AATF: variants seen among roughly 807,000 people sequenced by gnomAD.
AATF encodes protein AATF.
In AATF, 48 loss-of-function variants were observed where a neutral mutation model predicts 63.7. That is an observed-to-expected ratio of 0.75 (90% CI 0.60 to 0.96). The LOEUF (loss-of-function observed/expected upper bound fraction) is 0.96, where lower values mean the gene tolerates loss of function less well. AATF is among the 40% of genes least tolerant of loss of function. The pLI is 0.00. For synonymous variants in AATF, 258 were observed against 247.7 expected (o/e 1.04, Z -0.39); for missense variants, 639 against 685.7 (o/e 0.93, Z 0.76).
At chr17:36,960,884 T>C (rs1057447362) in intron 4 of AATF, among the ~76,000 whole-genome samples, 1 of 152,192 alleles carries the variant, frequency 6.6e-6, no homozygotes, top group Non-Finnish European at 1.5e-5. Flanking sequence ...ATAGCTTCAG[T>C]GTTCTAATTA....
chr17:36,949,134 G>C lies in AATF; in HGVS notation c.9G>C (p.Gly3=), dbSNP rs570427141. 1.1e-4 allele frequency: 174 copies of C among 1,579,562 alleles called. 2 individuals are homozygous for C. In the East Asian group the frequency reaches 3.5e-3, roughly 32 times the overall value. The change falls in exon 1 of 12, where the codon GGG becomes GGC. Residue 3 remains glycine, a synonymous_variant. Transcript: ENST00000619387. ...ACCGGGAGCTGGTGACGATGGCGGG[G>C]CCGCAGCCCCTGGCGCTGCAACTGG... MA[G]PQPLALQLEQ...
At chr17:37,003,915 G>A (rs146367632) in intron 8 of AATF, among the ~76,000 whole-genome samples, 1 of 146,798 alleles carries the variant, frequency 6.8e-6, no homozygotes, top group African/African-American at 2.5e-5. Flanking sequence ...ACAGCCTTGG[G>A]CAACATGGCA....
At chr17:37,014,151 C>T (rs866280571) in intron 8 of AATF, among the ~76,000 whole-genome samples, 4 of 152,056 alleles carry the variant, frequency 2.6e-5, no homozygotes, top group South Asian at 4.1e-4. Flanking sequence ...ATGAAAAATG[C>T]ATTTATGTAA....
At chr17:36,958,324 G>C (rs1411439054) in intron 4 of AATF, among the ~76,000 whole-genome samples, 1 of 151,856 alleles carries the variant, frequency 6.6e-6, no homozygotes, top group Non-Finnish European at 1.5e-5. Context: ...CACCACACCC[G>C]GCTAATTTTT....
chr17:36,961,031 G>C (rs182512634), intron 4 of AATF, among the ~76,000 whole-genome samples: 2 of 151,846 alleles, frequency 1.3e-5, no homozygotes. Flanking sequence ...AGACCTTTTC[G>C]CGTGCACACA....
At chr17:37,052,192 T>C (rs1403203486) in intron 11 of AATF, 1 of 152,160 alleles carries the variant, frequency 6.6e-6, no homozygotes, top group Non-Finnish European at 1.5e-5. Context: ...AATTATGTGT[T>C]TTTTTAAAAA....
intron 11 of AATF, among the ~76,000 whole-genome samples, chr17:37,041,694 G>T (rs759344057): frequency 6.6e-6 from 1 of 152,082 alleles, no homozygotes; most frequent in African/African-American, 2.4e-5. Flanking sequence ...TAGTAGAGAC[G>T]GGGTATTGCC....
chr17:36,959,251 C>T (rs935621219), intron 4 of AATF, among the ~76,000 whole-genome samples: 1 of 152,220 alleles, frequency 6.6e-6, no homozygotes, highest in Non-Finnish European at 1.5e-5. Flanking sequence ...CAAGACCAGC[C>T]TGGCCAACAT....
intron 11 of AATF, among the ~76,000 whole-genome samples, chr17:37,049,567 T>C (rs1242048746): frequency 1.4e-5 from 2 of 147,520 alleles, no homozygotes; most frequent in African/African-American, 5.1e-5. Context: ...ATGGCGCCAC[T>C]GCACTCCAGC....
intron 8 of AATF, among the ~76,000 whole-genome samples, chr17:37,002,069 G>A (rs1305984390): frequency 6.6e-6 from 1 of 151,994 alleles, no homozygotes; most frequent in Non-Finnish European, 1.5e-5. Flanking sequence ...AGGCGTGGTG[G>A]TGTACGCCTG....
intron 11 of AATF, among the ~76,000 whole-genome samples, chr17:37,044,216 C>T (rs2071669462): frequency 6.6e-6 from 1 of 152,170 alleles, no homozygotes; most frequent in Non-Finnish European, 1.5e-5. Flanking sequence ...CCTCTGCTTC[C>T]ATGTCACTTT....
chr17:36,963,542 A>G (rs1367278287), intron 4 of AATF, among the ~76,000 whole-genome samples: 1 of 152,246 alleles, frequency 6.6e-6, no homozygotes, highest in Admixed American at 6.5e-5. Context: ...CAACTGCTGC[A>G]TAAGATGATA....
chr17:36,990,900 T>G (rs760165559), intron 8 of AATF, 43 bp downstream of exon 8: 1 of 1,392,212 alleles, frequency 7.2e-7, no homozygotes, highest in Non-Finnish European at 9.8e-7. Flanking sequence ...TGTTTTAGCA[T>G]TTTAAAGCAG....
At chr17:36,952,227 T>C (rs1280708070) in intron 2 of AATF, among the ~76,000 whole-genome samples, 1 of 152,180 alleles carries the variant, frequency 6.6e-6, no homozygotes, top group East Asian at 1.9e-4. Context: ...CATGATACCA[T>C]CCCCCACCTT....
chr17:36,953,845 C>T lies in AATF; in HGVS notation c.770C>T (p.Pro257Leu), dbSNP rs2070877199. The T allele has an allele frequency of 1.2e-6, 2 of 1,614,102 alleles. No individual in the cohort carries two copies. The highest frequency in any genetic ancestry group is 1.7e-6 in the Non-Finnish European group (2 of 1,179,998). ...TTGACCACCAACCAGCTTCCTCAAC[C>T]AGATGTTTTCCCATTGTTCAAGGAC... ...ALLTTNQLPQ[P>L]DVFPLFKDKG... is the part of the protein sequence containing the mutation. The change falls in exon 4 of 12, where the codon CCA becomes CTA. Residue 257 changes from proline to leucine, a missense_variant. By Grantham distance (98) the Pro-to-Leu change is moderately conservative. Coordinates refer to ENST00000619387, the MANE Select transcript of AATF (RefSeq NM_012138.4).
At position 36,953,835 on chromosome 17, in the gene AATF, C is replaced by T. The variant is rs1450437710; in HGVS notation, c.760C>T (p.Leu254Phe). Residue 254 changes from leucine (L) to phenylalanine (F), a missense_variant, in exon 4 of 12, where the codon CTT becomes TTT. Transcript: ENST00000619387. ...AAAAGCTCTGTTGACCACCAACCAG[C>T]TTCCTCAACCAGATGTTTTCCCATT... ...LQKALLTTNQ[L>F]PQPDVFPLFK... 1 of 1,614,122 alleles carries T rather than the reference C, an allele frequency of 6.2e-7. No individual in the cohort carries two copies. The highest frequency in any genetic ancestry group is 2.2e-5 in the East Asian group (1 of 44,882).
At chr17:36,966,449 G>T (rs1265741266) in intron 4 of AATF, among the ~76,000 whole-genome samples, 4 of 150,960 alleles carry the variant, frequency 2.6e-5, no homozygotes, top group African/African-American at 9.7e-5. Context: ...AAAATTTCTG[G>T]TAGAGATGAG....
chr17:36,950,508 C>CT (rs991611997), intron 2 of AATF, 103 bp downstream of exon 2: 118 of 1,204,084 alleles, frequency 9.8e-5, no homozygotes, highest in South Asian at 1.8e-4. Flanking sequence ...GTCTGCGGAT[C>CT]TTTTTTTTGA....
At chr17:36,962,278 C>G (rs1229162153) in intron 4 of AATF, among the ~76,000 whole-genome samples, 2 of 152,202 alleles carry the variant, frequency 1.3e-5, no homozygotes, top group Non-Finnish European at 2.9e-5. Flanking sequence ...TGAGCTACTA[C>G]TTTGTCCAAC....
Sources: gnomAD v4.1 joint callset for allele counts (sites outside exome capture counted in the v4.1 genomes callset) on GRCh38, gnomAD v4.1.1 for gene constraint, MANE v1.5 for transcripts, NCBI Gene and HGNC (gene_info 2026-07-23, HGNC 2026-07-21) for gene names.